The following ASTN2 variants were observed in gnomAD, a reference collection of about 807,000 sequenced individuals.
ASTN2 encodes astrotactin-2.
A neutral mutation model predicts 139.8 loss-of-function variants in ASTN2; 54 were observed. The observed-to-expected ratio is 0.39, with a 90% CI of 0.31 to 0.48. ASTN2 has a LOEUF of 0.48. ASTN2 is among the 20% of genes least tolerant of loss of function. The probability of loss-of-function intolerance (pLI) is 0.95; values close to 1 mark genes in which losing one functional copy is unlikely to be tolerated. For missense variants in ASTN2, 1,565 were observed against 1,725.1 expected (o/e 0.91, Z 1.64); for synonymous variants, 756 against 719.5 (o/e 1.05, Z -0.81).
At position 116,440,609 on chromosome 9, in the gene ASTN2, C is replaced by A; in HGVS notation, c.3782G>T (p.Arg1261Met). 1 of 1,612,982 alleles carries A rather than the reference C, an allele frequency of 6.2e-7. No individual in the cohort carries two copies. Among genetic ancestry groups the A allele is most frequent in the Non-Finnish European group, 8.5e-7 (1 of 1,179,942 alleles). Residue 1261 changes from arginine to methionine, a missense_variant and splice_region_variant, in exon 22 of 23, where the codon AGG becomes ATG. Physicochemically the swap from Arg to Met is moderately conservative, Grantham distance 91 (BLOSUM62 -1). Transcript: ENST00000313400. ...VWRSEDELGP[R>M]KAHLILRRLE... The stretch of plus-strand genomic sequence containing the variant: ...TCCAATCACACAAATACGCCCATAC[C>A]TGGGCCCCAGCTCATCCTCACTTCT...
chr9:116,835,282 T>G (rs1854023), intron 11 of ASTN2, among the ~76,000 whole-genome samples: 36,018 of 152,050 alleles, frequency 0.24, 4,899 homozygotes, highest in East Asian at 0.5. Context: ...GTGACTTACT[T>G]TCCAATCTGG....
intron 13 of ASTN2, among the ~76,000 whole-genome samples, chr9:116,738,947 T>G (rs1486094267): frequency 6.6e-6 from 1 of 152,138 alleles, no homozygotes; most frequent in Non-Finnish European, 1.5e-5. Context: ...CAAGAAAGCA[T>G]TTTTGAGAGA....
intron 3 of ASTN2, among the ~76,000 whole-genome samples, chr9:117,190,457 G>C (rs1401067564): frequency 6.6e-6 from 1 of 152,100 alleles, no homozygotes; most frequent in Non-Finnish European, 1.5e-5. Context: ...GGCCCTAACT[G>C]TTTACCACCT....
chr9:116,606,641 C>T (rs1855222377), intron 19 of ASTN2, among the ~76,000 whole-genome samples: 1 of 151,716 alleles, frequency 6.6e-6, no homozygotes, highest in African/African-American at 2.4e-5. Flanking sequence ...CAAAACAAGT[C>T]TTAAACCTTA....
At chr9:116,761,781 A>T (rs1446916074) in intron 13 of ASTN2, among the ~76,000 whole-genome samples, 3 of 152,118 alleles carry the variant, frequency 2.0e-5, no homozygotes, top group Admixed American at 6.5e-5. Flanking sequence ...GGAGGCCCTG[A>T]TGAGCTCTGA....
At chr9:117,286,465 C>T (rs1190743341) in intron 2 of ASTN2, among the ~76,000 whole-genome samples, 1 of 151,412 alleles carries the variant, frequency 6.6e-6, no homozygotes, top group Non-Finnish European at 1.5e-5. Context: ...AGGCAGATCA[C>T]GAGGTCCGGA....
At chr9:116,610,081 C>A (rs1855456929) in intron 19 of ASTN2, among the ~76,000 whole-genome samples, 1 of 151,572 alleles carries the variant, frequency 6.6e-6, no homozygotes, top group African/African-American at 2.4e-5. Flanking sequence ...AGATGATAAC[C>A]TTAAACCTAA....
chr9:117,291,268 T>C, intron 2 of ASTN2, 58 bp downstream of exon 2: 1 of 1,573,766 alleles, frequency 6.4e-7, no homozygotes, highest in Non-Finnish European at 8.7e-7. Flanking sequence ...CCTCCATCTC[T>C]CCACCCATTC....
At chr9:117,299,810 A>G (rs1460528814) in intron 1 of ASTN2, among the ~76,000 whole-genome samples, 1 of 152,196 alleles carries the variant, frequency 6.6e-6, no homozygotes, top group African/African-American at 2.4e-5. Flanking sequence ...GGGTGAATGG[A>G]TGGACCACAG....
intron 13 of ASTN2, among the ~76,000 whole-genome samples, chr9:116,774,649 G>T (rs532398100): frequency 6.6e-6 from 1 of 151,450 alleles, no homozygotes. Flanking sequence ...CATCTTGCTC[G>T]AGAGCCTGGC....
chr9:117,303,544 CA>C (rs998167484), intron 1 of ASTN2, among the ~76,000 whole-genome samples: 1 of 152,160 alleles, frequency 6.6e-6, no homozygotes, highest in African/African-American at 2.4e-5. Flanking sequence ...TTGATGCAGC[CA>C]AACCAGGACA....
intron 13 of ASTN2, among the ~76,000 whole-genome samples, chr9:116,733,923 A>T (rs1828854072): frequency 6.6e-6 from 1 of 152,222 alleles, no homozygotes; most frequent in African/African-American, 2.4e-5. Context: ...CCCTGGCATA[A>T]GCAGTGGCAA....
intron 12 of ASTN2, among the ~76,000 whole-genome samples, chr9:116,806,994 TGTGA>T (rs1476157250): frequency 2.6e-5 from 4 of 152,174 alleles, no homozygotes; most frequent in African/African-American, 9.7e-5. Context: ...CATATAGTAC[TGTGA>T]GTAAGTAGCA....
intron 2 of ASTN2, among the ~76,000 whole-genome samples, chr9:117,234,210 C>T (rs1251417602): frequency 6.6e-6 from 1 of 152,194 alleles, no homozygotes; most frequent in Non-Finnish European, 1.5e-5. Context: ...AGCAGTGGTA[C>T]TCAGCTGTCT....
chr9:116,594,024 C>T (rs1350566807), intron 19 of ASTN2, among the ~76,000 whole-genome samples: 1 of 152,228 alleles, frequency 6.6e-6, no homozygotes, highest in Non-Finnish European at 1.5e-5. Context: ...TATCTTTGCA[C>T]TTCCTGCCCC....
At chr9:116,621,101 T>G (rs1444702473) in intron 17 of ASTN2, among the ~76,000 whole-genome samples, 1 of 152,172 alleles carries the variant, frequency 6.6e-6, no homozygotes, top group Non-Finnish European at 1.5e-5. Context: ...AACAGTGAAT[T>G]CCTGTTTATA....
intron 20 of ASTN2, among the ~76,000 whole-genome samples, chr9:116,452,852 A>C (rs1478567340): frequency 6.6e-6 from 1 of 152,200 alleles, no homozygotes; most frequent in Non-Finnish European, 1.5e-5. Flanking sequence ...AACTTTTGAC[A>C]AGGAAGAGAT....
chr9:117,314,372 G>A (rs1299809255), intron 1 of ASTN2, among the ~76,000 whole-genome samples: 1 of 151,984 alleles, frequency 6.6e-6, no homozygotes, highest in Non-Finnish European at 1.5e-5. Flanking sequence ...GCCAAACCTG[G>A]AGGAACACTT....
At chr9:116,614,114 C>T (rs1022525506) in intron 19 of ASTN2, among the ~76,000 whole-genome samples, 49 of 152,094 alleles carry the variant, frequency 3.2e-4, no homozygotes, top group Non-Finnish European at 6.2e-4. Flanking sequence ...AGTGAACTCC[C>T]ATTCACAATT....
Sources: allele counts gnomAD v4.1 joint callset (sites outside exome capture counted in the v4.1 genomes callset), GRCh38; gene constraint gnomAD v4.1.1; transcripts MANE v1.5; gene names NCBI Gene and HGNC (gene_info 2026-07-23, HGNC 2026-07-21).